Variants in MTUS2 observed in about 807,000 individuals in gnomAD.
MTUS2 encodes the protein microtubule-associated tumor suppressor candidate 2.
A neutral mutation model predicts 114.1 loss-of-function variants in MTUS2; 40 were observed. The observed-to-expected ratio is 0.35, with a 90% confidence interval of 0.27 to 0.46. MTUS2 has a LOEUF of 0.46. MTUS2 is among the 20% of genes least tolerant of loss of function. MTUS2 has a pLI of 1.00. For synonymous variants in MTUS2, 688 were observed against 672.0 expected, an observed-to-expected ratio of 1.02 and a Z score of -0.37; for missense variants, 1,679 against 1,705.4, an observed-to-expected ratio of 0.98 and a Z score of 0.27.
At chr13:28,904,086 C>T (rs559276177) in intron 2 of MTUS2, among the ~76,000 whole-genome samples, 16 of 152,100 alleles carry the variant, frequency 1.1e-4, no homozygotes, top group South Asian at 4.1e-4. Flanking sequence ...TTATATCCTT[C>T]GCCCACTTGT....
chr13:29,098,290 C>T (rs1372034699), intron 4 of MTUS2, among the ~76,000 whole-genome samples: 1 of 152,184 alleles, frequency 6.6e-6, no homozygotes, highest in Admixed American at 6.5e-5. Context: ...AGACTTGCTT[C>T]TGCAAACCCT....
intron 8 of MTUS2, among the ~76,000 whole-genome samples, chr13:29,400,085 A>C (rs1467947819): frequency 6.6e-6 from 1 of 152,188 alleles, no homozygotes; most frequent in Non-Finnish European, 1.5e-5. Context: ...GATGGTGGGG[A>C]AAAGAATCTG....
At chr13:29,320,831 G>T (rs889563696) in intron 6 of MTUS2, among the ~76,000 whole-genome samples, 3 of 152,178 alleles carry the variant, frequency 2.0e-5, no homozygotes, top group African/African-American at 4.8e-5. Context: ...CTGAGCTGAG[G>T]TACAAAGTGA....
At chr13:29,318,826 C>A (rs1401717994) in intron 6 of MTUS2, among the ~76,000 whole-genome samples, 4 of 152,252 alleles carry the variant, frequency 2.6e-5, no homozygotes, top group Middle Eastern at 3.4e-3. Context: ...AGCACCCACC[C>A]CTGTAGGCTT....
chr13:29,401,663 T>A (rs568284337), intron 8 of MTUS2, among the ~76,000 whole-genome samples: 2 of 152,198 alleles, frequency 1.3e-5, no homozygotes, highest in Non-Finnish European at 2.9e-5. Context: ...TTCCAAAATA[T>A]GAACGGTTCT....
At chr13:28,948,536 T>C (rs1882649650) in intron 2 of MTUS2, among the ~76,000 whole-genome samples, 1 of 152,226 alleles carries the variant, frequency 6.6e-6, no homozygotes, top group African/African-American at 2.4e-5. Context: ...GAGGTTCCTC[T>C]ATTACTTAGA....
intron 5 of MTUS2, among the ~76,000 whole-genome samples, chr13:29,263,344 A>T (rs546204725): frequency 2.6e-5 from 4 of 152,236 alleles, no homozygotes; most frequent in African/African-American, 9.6e-5. Context: ...CTAGGGCTGG[A>T]ATTCTTTATT....
chr13:28,940,714 A>G (rs1229661523), intron 2 of MTUS2, among the ~76,000 whole-genome samples: 1 of 152,170 alleles, frequency 6.6e-6, no homozygotes, highest in African/African-American at 2.4e-5. Flanking sequence ...AAAGAAGGAA[A>G]TAGTGAACTA....
intron 6 of MTUS2, among the ~76,000 whole-genome samples, chr13:29,312,413 A>T (rs1593290783): frequency 6.6e-6 from 1 of 152,240 alleles, no homozygotes; most frequent in Admixed American, 6.5e-5. Context: ...AAAAATTTTT[A>T]AAAGGATGAG....
At chr13:28,960,920 C>T (rs897585276) in intron 2 of MTUS2, among the ~76,000 whole-genome samples, 8 of 151,350 alleles carry the variant, frequency 5.3e-5, no homozygotes, top group Non-Finnish European at 8.8e-5. Context: ...TTGAAAAAAA[C>T]GAAAGTCTCC....
chr13:29,043,157 A>T (rs1237651706), intron 4 of MTUS2, among the ~76,000 whole-genome samples: 2 of 152,038 alleles, frequency 1.3e-5, no homozygotes, highest in Non-Finnish European at 2.9e-5. Context: ...AGTTGAAATA[A>T]TTTTTTAATT....
At chr13:29,408,429 C>T (rs1566184724) in intron 8 of MTUS2, among the ~76,000 whole-genome samples, 1 of 152,188 alleles carries the variant, frequency 6.6e-6, no homozygotes, top group Non-Finnish European at 1.5e-5. Context: ...GATCCTCCCA[C>T]CCCAGCCTCC....
chr13:29,389,495 A>G lies in MTUS2; in HGVS notation c.3117+30022A>G, dbSNP rs547683359. The stretch of plus-strand genomic sequence containing the variant: ...TATGTATACACGTGTGTGTATGTGT[A>G]TATATGTATACACGTGTGTGTATGT... On this transcript the variant is annotated intron_variant, in intron 8 of 15. Transcript: ENST00000612955. Among the ~76,000 whole-genome samples the G allele has an allele frequency of 7.3e-3, 431 of 59,092 alleles. 77 individuals are homozygous for G. The highest frequency in any genetic ancestry group is 0.025 in the African/African-American group (405 of 16,026). 38.8% of individuals were successfully genotyped at this position (59,092 alleles called of 152,430 possible). A position where few individuals can be genotyped will look rare whatever the true frequency, so the allele number is the denominator to read the frequency against.
intron 9 of MTUS2, among the ~76,000 whole-genome samples, chr13:29,446,181 T>C (rs1878266457): frequency 6.6e-6 from 1 of 152,144 alleles, no homozygotes; most frequent in Admixed American, 6.5e-5. Flanking sequence ...TGCCAGAAAC[T>C]GGGGAGAAGG....
chr13:29,084,391 G>A (rs1029382606), intron 4 of MTUS2, among the ~76,000 whole-genome samples: 1 of 150,086 alleles, frequency 6.7e-6, no homozygotes, highest in Admixed American at 6.6e-5. Flanking sequence ...AACTGTTGTT[G>A]TTACTGAGCA....
chr13:29,031,553 A>T (rs1050690263), intron 3 of MTUS2, among the ~76,000 whole-genome samples: 1 of 151,912 alleles, frequency 6.6e-6, no homozygotes, highest in African/African-American at 2.4e-5. Flanking sequence ...TTGGGTCTGA[A>T]GGTGATCTAC....
intron 2 of MTUS2, among the ~76,000 whole-genome samples, chr13:28,997,654 T>A (rs975953231): frequency 2.0e-5 from 3 of 152,162 alleles, no homozygotes; most frequent in Non-Finnish European, 4.4e-5. Flanking sequence ...ATGGCCTTCT[T>A]TGTCTCTTTT....
chr13:29,449,691 G>A (rs1337674432), intron 9 of MTUS2, among the ~76,000 whole-genome samples: 1 of 150,846 alleles, frequency 6.6e-6, no homozygotes, highest in Non-Finnish European at 1.5e-5. Flanking sequence ...TTTTAATTTG[G>A]TAAATTAAAA....
chr13:28,895,101 T>TGAG (rs1879186948), intron 2 of MTUS2, among the ~76,000 whole-genome samples: 1 of 152,228 alleles, frequency 6.6e-6, no homozygotes, highest in Non-Finnish European at 1.5e-5. Flanking sequence ...GCCTCATATA[T>TGAG]GCCAGGTTAT....
Sources: allele counts gnomAD v4.1 joint callset (sites outside exome capture counted in the v4.1 genomes callset), GRCh38; gene constraint gnomAD v4.1.1; transcripts MANE v1.5; gene names NCBI Gene and HGNC (gene_info 2026-07-23, HGNC 2026-07-21).